Variants in SLC25A21 observed in about 807,000 individuals in gnomAD.
The protein encoded by SLC25A21 is mitochondrial 2-oxodicarboxylate carrier.
SLC25A21 carries 47 observed loss-of-function variants against 43.8 expected under a neutral mutation model. The ratio of observed to expected loss-of-function variants is 1.07; its 90% CI spans 0.85 to 1.37. SLC25A21 has a LOEUF of 1.37. Among genes scored for constraint, SLC25A21 ranks in the 40% most tolerant of loss-of-function variants. SLC25A21 has a pLI of 0.00. For missense variants in SLC25A21, 352 were observed against 350.2 expected (o/e 1.00, Z -0.04); for synonymous variants, 131 against 121.3 (o/e 1.08, Z -0.52).
In SLC25A21 at chr14:37,084,844, T is replaced by C. The variant is rs565165016; in HGVS notation, c.70+87437A>G. Among the ~76,000 whole-genome samples the C allele has an allele frequency of 2.0e-5, 3 of 152,326 alleles. No individual in the cohort carries two copies. In the South Asian group the frequency reaches 6.2e-4, roughly 32 times the overall value. On this transcript the variant is annotated intron_variant, in intron 1 of 9. Coordinates refer to ENST00000331299, the MANE Select transcript of SLC25A21 (RefSeq NM_030631.4). ...TGTAGTACTGGCATAAGGACAGTCA[T>C]ATAGGTCAGGATAGAATTGAGAGTC...
At chr14:37,122,917 G>C (rs1473872899) in intron 1 of SLC25A21, among the ~76,000 whole-genome samples, 3 of 152,058 alleles carry the variant, frequency 2.0e-5, no homozygotes. Context: ...TATAAATATA[G>C]GTCTATATAG....
At chr14:36,960,678 C>T (rs1248484713) in intron 1 of SLC25A21, among the ~76,000 whole-genome samples, 4 of 152,124 alleles carry the variant, frequency 2.6e-5, no homozygotes, top group Non-Finnish European at 5.9e-5. Flanking sequence ...ATTCTCTGGC[C>T]AGTACCTTTA....
chr14:36,757,880 T>A (rs560418072), intron 3 of SLC25A21, among the ~76,000 whole-genome samples: 23 of 152,350 alleles, frequency 1.5e-4, no homozygotes, highest in Non-Finnish European at 2.9e-4. Flanking sequence ...TATTGAGCAC[T>A]CTGAGTCACA....
chr14:37,009,345 G>T (rs531735490), intron 1 of SLC25A21, among the ~76,000 whole-genome samples: 1 of 152,214 alleles, frequency 6.6e-6, no homozygotes, highest in South Asian at 2.1e-4. Flanking sequence ...AATTAGCTGG[G>T]TGTGGTGGTG....
chr14:36,924,651 T>C (rs973432339), intron 1 of SLC25A21, among the ~76,000 whole-genome samples: 2 of 151,986 alleles, frequency 1.3e-5, no homozygotes, highest in Non-Finnish European at 2.9e-5. Flanking sequence ...CTTGTGCACA[T>C]GTACCCTAGA....
chr14:36,810,634 T>C (rs564535521), intron 3 of SLC25A21, among the ~76,000 whole-genome samples: 2 of 152,206 alleles, frequency 1.3e-5, no homozygotes, highest in Non-Finnish European at 2.9e-5. Flanking sequence ...GGTTAGTCTA[T>C]AGAAGAGTTA....
At chr14:36,710,345 C>T (rs1349057386) in intron 7 of SLC25A21, among the ~76,000 whole-genome samples, 2 of 150,732 alleles carry the variant, frequency 1.3e-5, no homozygotes, top group Non-Finnish European at 2.9e-5. Flanking sequence ...TGTACTCCAG[C>T]CTGGGTGACA....
At chr14:36,762,691 G>A (rs536225122) in intron 3 of SLC25A21, among the ~76,000 whole-genome samples, 5 of 152,302 alleles carry the variant, frequency 3.3e-5, no homozygotes, top group East Asian at 1.9e-4. Flanking sequence ...TCACCTTGGG[G>A]ACATGAATCT....
intron 3 of SLC25A21, among the ~76,000 whole-genome samples, chr14:36,737,368 C>T (rs933029867): frequency 6.6e-6 from 1 of 152,116 alleles, no homozygotes; most frequent in African/African-American, 2.4e-5. Context: ...AGGTCCAGAG[C>T]CCTCTGCTTT....
chr14:36,973,613 T>G (rs1255192373), intron 1 of SLC25A21, among the ~76,000 whole-genome samples: 1 of 152,208 alleles, frequency 6.6e-6, no homozygotes, highest in Non-Finnish European at 1.5e-5. Flanking sequence ...GGAGCCAATC[T>G]CCTAGAGTTG....
chr14:36,863,300 T>C (rs529228096), intron 2 of SLC25A21, among the ~76,000 whole-genome samples: 8 of 152,114 alleles, frequency 5.3e-5, no homozygotes, highest in South Asian at 4.1e-4. Flanking sequence ...AGAACACACC[T>C]TACCTTATTA....
At chr14:37,104,103 C>A (rs1962868234) in intron 1 of SLC25A21, among the ~76,000 whole-genome samples, 1 of 152,150 alleles carries the variant, frequency 6.6e-6, no homozygotes, top group South Asian at 2.1e-4. Context: ...GAAATGGACA[C>A]CAATGGGAGT....
intron 1 of SLC25A21, among the ~76,000 whole-genome samples, chr14:36,918,627 T>C (rs1044529140): frequency 2.6e-5 from 4 of 152,068 alleles, no homozygotes; most frequent in Non-Finnish European, 5.9e-5. Flanking sequence ...TCCACAATAA[T>C]TGTGTGAATC....
chr14:36,761,232 T>C (rs912975150), intron 3 of SLC25A21, among the ~76,000 whole-genome samples: 1 of 152,168 alleles, frequency 6.6e-6, no homozygotes, highest in Non-Finnish European at 1.5e-5. Context: ...GGCCGGCCTG[T>C]GGGGTGCGAC....
At chr14:36,918,123 A>G (rs531387596) in intron 1 of SLC25A21, among the ~76,000 whole-genome samples, 1 of 152,286 alleles carries the variant, frequency 6.6e-6, no homozygotes, top group South Asian at 2.1e-4. Context: ...GGAATATAAA[A>G]TGGAAACCTC....
At chr14:37,095,064 GATAA>G (rs769679585) in intron 1 of SLC25A21, among the ~76,000 whole-genome samples, 1 of 152,056 alleles carries the variant, frequency 6.6e-6, no homozygotes, top group Non-Finnish European at 1.5e-5. Flanking sequence ...TAATGTACAT[GATAA>G]ATAAATGATT....
At chr14:36,839,424 A>C (rs1382376630) in intron 2 of SLC25A21, among the ~76,000 whole-genome samples, 1 of 152,236 alleles carries the variant, frequency 6.6e-6, no homozygotes, top group Non-Finnish European at 1.5e-5. Context: ...AAATCATCTC[A>C]GTAACTGAAA....
intron 1 of SLC25A21, among the ~76,000 whole-genome samples, chr14:37,099,592 C>T (rs1962777785): frequency 6.6e-6 from 1 of 152,036 alleles, no homozygotes; most frequent in Non-Finnish European, 1.5e-5. Flanking sequence ...GATGTTCCCC[C>T]CGCCACCGAC....
intron 1 of SLC25A21, among the ~76,000 whole-genome samples, chr14:37,169,433 C>G (rs557547708): frequency 6.6e-6 from 1 of 151,958 alleles, no homozygotes; most frequent in Admixed American, 6.6e-5. Context: ...CACTCCAGCC[C>G]CTTATTCCAG....
Sources: allele counts gnomAD v4.1 joint callset (sites outside exome capture counted in the v4.1 genomes callset), GRCh38; gene constraint gnomAD v4.1.1; transcripts MANE v1.5; gene names NCBI Gene and HGNC (gene_info 2026-07-23, HGNC 2026-07-21).